Variants in FRMD4A observed in about 807,000 individuals in gnomAD.
FRMD4A encodes the protein FERM domain containing 4A.
FRMD4A carries 29 observed loss-of-function variants against 129.1 expected under a neutral mutation model. The ratio of observed to expected loss-of-function variants is 0.22; its 90% CI spans 0.17 to 0.31. The LOEUF (loss-of-function observed/expected upper bound fraction) is 0.31, where lower values mean the gene tolerates loss of function less well. FRMD4A is among the 10% of genes least tolerant of loss of function. The pLI is 1.00. For missense variants in FRMD4A, 1,272 were observed against 1,375.8 expected, an observed-to-expected ratio of 0.92 and a Z score of 1.19; for synonymous variants, 634 against 571.6, an observed-to-expected ratio of 1.11 and a Z score of -1.56.
intron 2 of FRMD4A, among the ~76,000 whole-genome samples, chr10:14,064,987 C>A (rs1315823971): frequency 6.6e-6 from 1 of 152,148 alleles, no homozygotes; most frequent in African/African-American, 2.4e-5. Context: ...AGTGTTGCCA[C>A]CACACATTTA....
intron 2 of FRMD4A, among the ~76,000 whole-genome samples, chr10:13,884,184 A>T (rs28704725): frequency 0.011 from 877 of 79,494 alleles, 28 homozygotes; most frequent in African/African-American, 0.015. Context: ...ACTCACACAC[A>T]CACACACACA....
chr10:13,775,399 G>A (rs759939840), intron 6 of FRMD4A, among the ~76,000 whole-genome samples: 1 of 152,192 alleles, frequency 6.6e-6, no homozygotes, highest in Non-Finnish European at 1.5e-5. Flanking sequence ...CTTTTCCAGA[G>A]CAACGCCTTT....
rs1002375820 is a variant in FRMD4A, at chr10:14,019,748, C to T, written c.46-160836G>A. 4.6e-5 allele frequency among the ~76,000 whole-genome samples: 7 copies of T among 152,182 alleles called. No individual in the cohort carries two copies. In the South Asian group the frequency reaches 6.2e-4, roughly 14 times the overall value. On this transcript the variant is annotated intron_variant, in intron 2 of 24. Coordinates refer to ENST00000357447, the MANE Select transcript of FRMD4A (RefSeq NM_018027.5). ...GTGATGGGGCTGATGCCTTTGAGAACGTGCCCATGCAATGTCAGTAGCAGA... is the reference window on the plus strand; with the variant it reads ...GTGATGGGGCTGATGCCTTTGAGAATGTGCCCATGCAATGTCAGTAGCAGA...
intron 3 of FRMD4A, among the ~76,000 whole-genome samples, chr10:13,838,261 T>TC (rs2093907743): frequency 6.6e-6 from 1 of 150,868 alleles, no homozygotes; most frequent in East Asian, 1.9e-4. Context: ...AATTTTTTTT[T>TC]TTTTTTTTTT....
chr10:14,297,778 G>T (rs1017552973), intron 2 of FRMD4A, among the ~76,000 whole-genome samples: 1 of 152,140 alleles, frequency 6.6e-6, no homozygotes, highest in Non-Finnish European at 1.5e-5. Context: ...CCAGGTAAGC[G>T]GCTCTGGGAT....
At chr10:14,087,526 T>G (rs1005787596) in intron 2 of FRMD4A, 1 of 152,140 alleles carries the variant, frequency 6.6e-6, no homozygotes. Flanking sequence ...GCTTCCACAC[T>G]TTTCATCTCA....
intron 15 of FRMD4A, chr10:13,693,032 TAA>T (rs141637564): frequency 0.29 from 7,207 of 24,556 alleles, 437 homozygotes; most frequent in Middle Eastern, 0.5. Flanking sequence ...CCTGGCTAAT[TAA>T]TTTTTTTTTT....
chr10:13,841,924 C>T (rs1489308945), intron 3 of FRMD4A, among the ~76,000 whole-genome samples: 1 of 152,176 alleles, frequency 6.6e-6, no homozygotes, highest in Non-Finnish European at 1.5e-5. Flanking sequence ...TTGTTGGGGA[C>T]TCTGCTCTTA....
intron 2 of FRMD4A, among the ~76,000 whole-genome samples, chr10:14,081,054 A>T (rs1835900784): frequency 6.6e-6 from 1 of 152,152 alleles, no homozygotes; most frequent in South Asian, 2.1e-4. Flanking sequence ...AGGTTGTAAT[A>T]ATAGCCCATA....
intron 2 of FRMD4A, among the ~76,000 whole-genome samples, chr10:14,035,272 C>T (rs140863615): frequency 0.021 from 3,215 of 151,856 alleles, 96 homozygotes; most frequent in African/African-American, 0.072. Context: ...ATTAGCTGGG[C>T]GTGGTAGCAG....
At position 14,162,645 on chromosome 10, in the gene FRMD4A, T is replaced by G. The variant is rs1363428718; in HGVS notation, c.45+167413A>C. On this transcript the variant is annotated intron_variant, in intron 2 of 24. Coordinates refer to ENST00000357447, the MANE Select transcript of FRMD4A (RefSeq NM_018027.5). ...GAGTTTCTCTGTTTTTTTTTTGTTT[T>G]TTTTTTTTTTTTTTGTATATGTTTT... 3.0e-3 allele frequency among the ~76,000 whole-genome samples: 447 copies of G among 148,060 alleles called. 2 individuals are homozygous for G. Among genetic ancestry groups the G allele is most frequent in the African/African-American group, 1.0e-2 (387 of 38,734 alleles).
Position 13,774,174 on chromosome 10 carries a change from C to T in FRMD4A, c.384+8748G>A, listed in dbSNP as rs146813394. On this transcript the variant is annotated intron_variant, in intron 6 of 24. Transcript: ENST00000357447. ...CCGGAAGCACACAATGACAGCCCCG[C>T]TGTCTCATATCCATATTTTAATTTT... Among the ~76,000 whole-genome samples, 470 of 152,320 alleles carry T rather than the reference C, an allele frequency of 3.1e-3. 2 individuals carry two copies. Among genetic ancestry groups the T allele is most frequent in the African/African-American group, 0.011 (447 of 41,570 alleles).
chr10:14,164,618 G>A (rs543924518), intron 2 of FRMD4A, among the ~76,000 whole-genome samples: 1 of 152,286 alleles, frequency 6.6e-6, no homozygotes, highest in African/African-American at 2.4e-5. Flanking sequence ...CAGGGAGCAC[G>A]TGGTATTGGG....
intron 12 of FRMD4A, among the ~76,000 whole-genome samples, chr10:13,722,930 T>C (rs1457289342): frequency 5.3e-5 from 8 of 151,144 alleles, no homozygotes; most frequent in Non-Finnish European, 2.9e-5. Context: ...TAGGCTTTTA[T>C]GTTGGTTAGC....
rs574564415 is a variant in FRMD4A, at chr10:13,780,396, C to T, written c.384+2526G>A. ...TGATATTCCGCAAGTCCATCTTCCCCGGGAGGAGGTGTGTGCTGTAAAGGG... is the reference window on the plus strand; with the variant it reads ...TGATATTCCGCAAGTCCATCTTCCCTGGGAGGAGGTGTGTGCTGTAAAGGG... On this transcript the variant is annotated intron_variant, in intron 6 of 24. Coordinates refer to ENST00000357447, the MANE Select transcript of FRMD4A (RefSeq NM_018027.5). 1.1e-4 allele frequency among the ~76,000 whole-genome samples: 17 copies of T among 152,156 alleles called. No homozygotes were observed. The East Asian group carries it at 1.9e-3, about 17-fold the overall frequency.
chr10:14,075,741 A>G (rs1211065328), intron 2 of FRMD4A, among the ~76,000 whole-genome samples: 1 of 46,284 alleles, frequency 2.2e-5, no homozygotes, highest in Non-Finnish European at 4.0e-5. Context: ...GTGTGTGTGT[A>G]TATTTTATAT....
At chr10:13,807,800 CTTTTTT>C (rs11388392) in intron 4 of FRMD4A, among the ~76,000 whole-genome samples, 2 of 142,238 alleles carry the variant, frequency 1.4e-5, no homozygotes, top group Admixed American at 7.1e-5. Flanking sequence ...TTTAGAAATT[CTTTTTT>C]TTTTTTTTTG....
chr10:14,105,623 G>T (rs1382296974), intron 2 of FRMD4A, among the ~76,000 whole-genome samples: 4 of 152,080 alleles, frequency 2.6e-5, no homozygotes, highest in Non-Finnish European at 5.9e-5. Flanking sequence ...TTCTAAAATG[G>T]TGCTTAGACT....
chr10:14,119,629 A>G (rs944219404), intron 2 of FRMD4A, among the ~76,000 whole-genome samples: 1 of 152,220 alleles, frequency 6.6e-6, no homozygotes, highest in Non-Finnish European at 1.5e-5. Context: ...GGAGGCCTGT[A>G]GCCCAACAAA....
Sources: gnomAD v4.1 joint callset for allele counts (sites outside exome capture counted in the v4.1 genomes callset) on GRCh38, gnomAD v4.1.1 for gene constraint, MANE v1.5 for transcripts, NCBI Gene and HGNC (gene_info 2026-07-23, HGNC 2026-07-21) for gene names.